The following INO80 variants were observed in gnomAD, a reference collection of about 807,000 sequenced individuals.
The protein encoded by INO80 is INO80 complex ATPase subunit, also known as chromatin-remodeling ATPase INO80.
A neutral mutation model predicts 203.4 loss-of-function variants in INO80; 20 were observed. The ratio of observed to expected loss-of-function variants is 0.10; its 90% CI spans 0.07 to 0.14. INO80 has a LOEUF of 0.14. INO80 is among the 10% of genes least tolerant of loss of function. INO80 has a pLI of 1.00. For synonymous variants in INO80, 726 were observed against 685.2 expected, an observed-to-expected ratio of 1.06 and a Z score of -0.93; for missense variants, 1,419 against 1,914.4, an observed-to-expected ratio of 0.74 and a Z score of 4.83.
At chr15:41,033,029 G>A (rs1483290044) in intron 24 of INO80, among the ~76,000 whole-genome samples, 2 of 152,072 alleles carry the variant, frequency 1.3e-5, no homozygotes, top group African/African-American at 2.4e-5. Flanking sequence ...CAGAGACTCC[G>A]TCTCAACAAC....
At chr15:40,982,519 G>A (rs996229820) in intron 35 of INO80, among the ~76,000 whole-genome samples, 1 of 152,192 alleles carries the variant, frequency 6.6e-6, no homozygotes, top group Non-Finnish European at 1.5e-5. Context: ...CTGAATGAAC[G>A]TTAACTATGC....
chr15:41,063,276 G>T (rs1381519430), intron 14 of INO80, among the ~76,000 whole-genome samples: 1 of 152,164 alleles, frequency 6.6e-6, no homozygotes. Context: ...GGCAGAGGTT[G>T]CAGTAAGCTG....
chr15:41,012,794 A>C (rs2044151768), intron 27 of INO80, among the ~76,000 whole-genome samples: 1 of 152,120 alleles, frequency 6.6e-6, no homozygotes, highest in South Asian at 2.1e-4. Flanking sequence ...CTATCTAGAA[A>C]TACTACTATT....
chr15:40,980,292 G>A lies in INO80; in HGVS notation c.4602C>T (p.Thr1534=), dbSNP rs1452858137. The change falls in exon 36 of 36, where the codon ACC becomes ACT. Residue 1534 remains threonine (T), a synonymous_variant. Transcript: ENST00000648947. ...VPGNPKNLHM[T]SSLAPDSLVR... ...CCAGAGAGTCTGGGGCTAGGCTGCTGGTCATGTGGAGGTTCTTGGGATTCC... is the reference window on the plus strand; with the variant it reads ...CCAGAGAGTCTGGGGCTAGGCTGCTAGTCATGTGGAGGTTCTTGGGATTCC... 4 of 1,613,670 alleles carry A rather than the reference G, an allele frequency of 2.5e-6. No homozygotes were observed. In the African/African-American group the frequency reaches 4.0e-5, roughly 16 times the overall value.
At position 41,095,666 on chromosome 15, in the gene INO80, A is replaced by T; in HGVS notation, c.316T>A (p.Ser106Thr). Residue 106 changes from serine to threonine, a missense_variant and splice_region_variant, in exon 4 of 36, where the codon TCA (serine) becomes ACA (threonine). Physicochemically the swap from Ser to Thr is moderately conservative, Grantham distance 58. Coordinates refer to ENST00000648947, the MANE Select transcript of INO80 (RefSeq NM_017553.3). ...YSLNGVLQSE[S>T]KCDKGNLYNF... ...TATAAATTCCCCTTATCACATTTTGATTCTGTATAAAGAAACACAAAGAAT... is the reference window on the plus strand; with the variant it reads ...TATAAATTCCCCTTATCACATTTTGTTTCTGTATAAAGAAACACAAAGAAT... The T allele has an allele frequency of 6.2e-7, 1 of 1,609,468 alleles. No homozygotes were observed. Among genetic ancestry groups the T allele is most frequent in the Non-Finnish European group, 8.5e-7 (1 of 1,176,074 alleles).
chr15:41,086,974 T>G (rs778098060), intron 6 of INO80, among the ~76,000 whole-genome samples: 1 of 152,210 alleles, frequency 6.6e-6, no homozygotes, highest in African/African-American at 2.4e-5. Context: ...AAAAATGGAA[T>G]AAACTAATTT....
chr15:41,033,768 T>C (rs941743959), intron 24 of INO80, among the ~76,000 whole-genome samples: 2 of 152,000 alleles, frequency 1.3e-5, no homozygotes, highest in African/African-American at 4.8e-5. Context: ...ACCCCAAACT[T>C]AGGCCAGGCG....
chr15:40,990,894 A>G (rs1420875262), intron 29 of INO80, among the ~76,000 whole-genome samples: 4 of 152,196 alleles, frequency 2.6e-5, no homozygotes, highest in Admixed American at 2.6e-4. Flanking sequence ...ATGATGCCCA[A>G]TGTATTTAAA....
chr15:41,013,104 C>CAACAACAACAACAACAACA (rs369088968), intron 27 of INO80: 2 of 150,524 alleles, frequency 1.3e-5, no homozygotes, highest in African/African-American at 2.5e-5. Context: ...CAACAACAAC[C>CAACAACAACAACAACAACA]ACCACAACAA....
intron 1 of INO80, among the ~76,000 whole-genome samples, chr15:41,101,864 A>T (rs1039517911): frequency 6.6e-6 from 1 of 150,636 alleles, no homozygotes; most frequent in East Asian, 2.0e-4. Flanking sequence ...TGTAACTCTT[A>T]GTCAAGGTGA....
chr15:41,038,416 A>T (rs2044615860), intron 24 of INO80, among the ~76,000 whole-genome samples: 1 of 152,008 alleles, frequency 6.6e-6, no homozygotes, highest in African/African-American at 2.4e-5. Flanking sequence ...TAACTGTCAC[A>T]CTTCAATACT....
intron 26 of INO80, 138 bp from the exon 27 acceptor site, chr15:41,016,353 G>T: frequency 1.2e-6 from 1 of 803,454 alleles, no homozygotes; most frequent in Non-Finnish European, 1.9e-6. Context: ...GCTCTAAAGG[G>T]AGAATGCAAC....
intron 4 of INO80, among the ~76,000 whole-genome samples, chr15:41,093,158 G>A (rs1566946371): frequency 1.3e-5 from 2 of 152,202 alleles, no homozygotes; most frequent in Admixed American, 6.5e-5. Flanking sequence ...CGGGCTCAGT[G>A]GCTCATGTCT....
chr15:41,107,823 C>T (rs186421902), intron 1 of INO80, among the ~76,000 whole-genome samples: 8 of 151,398 alleles, frequency 5.3e-5, no homozygotes, highest in African/African-American at 1.7e-4. Context: ...ATAAATAGGC[C>T]GGGCATGGTG....
chr15:41,101,595 G>C (rs1244953539), intron 1 of INO80, among the ~76,000 whole-genome samples: 1 of 150,950 alleles, frequency 6.6e-6, no homozygotes, highest in African/African-American at 2.4e-5. Context: ...TGTCACCCAG[G>C]CTGGAGTGCA....
chr15:41,010,666 TG>T (rs796140346), intron 27 of INO80, among the ~76,000 whole-genome samples: 4 of 152,320 alleles, frequency 2.6e-5, no homozygotes, highest in African/African-American at 9.6e-5. Flanking sequence ...TAATATATCC[TG>T]TCCATAACCT....
intron 26 of INO80, chr15:41,017,164 C>T (rs1467782224): frequency 6.6e-6 from 1 of 152,182 alleles, no homozygotes; most frequent in Non-Finnish European, 1.5e-5. Flanking sequence ...CTTGTGCTTT[C>T]TCTTTCCTCT....
chr15:41,022,163 A>G (rs1049742660), intron 25 of INO80, among the ~76,000 whole-genome samples: 4 of 152,260 alleles, frequency 2.6e-5, no homozygotes, highest in Non-Finnish European at 4.4e-5. Flanking sequence ...GAGATACTCA[A>G]TCTGCATACG....
At position 41,111,007 on chromosome 15, in the gene INO80, T is replaced by C. The variant is rs1333463493; in HGVS notation, c.-44+4966A>G. On this transcript the variant is annotated intron_variant, in intron 1 of 35. Coordinates refer to ENST00000648947, the MANE Select transcript of INO80 (RefSeq NM_017553.3). Reference sequence around the variant, plus strand: ...GCCTCTTAAAGGCAAGGGCTGAAGATAAGGCAGCAATGTCTACATTTTTGG... The same window carrying C: ...GCCTCTTAAAGGCAAGGGCTGAAGACAAGGCAGCAATGTCTACATTTTTGG... Among the ~76,000 whole-genome samples, 3 of 152,238 alleles carry C rather than the reference T, an allele frequency of 2.0e-5. No homozygotes were observed. In the South Asian group the frequency reaches 6.2e-4, roughly 31 times the overall value.
Sources: gnomAD v4.1 joint callset for allele counts (sites outside exome capture counted in the v4.1 genomes callset) on GRCh38, gnomAD v4.1.1 for gene constraint, MANE v1.5 for transcripts, NCBI Gene and HGNC (gene_info 2026-07-23, HGNC 2026-07-21) for gene names.